Variants in RBPJ observed in about 807,000 individuals in gnomAD.
The protein encoded by RBPJ is recombination signal binding protein for immunoglobulin kappa J region.
RBPJ carries 9 observed loss-of-function variants against 67.8 expected under a neutral mutation model. The observed-to-expected ratio is 0.13, with a 90% CI of 0.08 to 0.23. The LOEUF is 0.23. Ranked by LOEUF, RBPJ falls within the 10% of genes least tolerant of loss-of-function variation. The probability of loss-of-function intolerance (pLI) is 1.00; values close to 1 mark genes in which losing one functional copy is unlikely to be tolerated. For synonymous variants in RBPJ, 198 were observed against 203.3 expected (o/e 0.97, Z 0.22); for missense variants, 305 against 595.6 (o/e 0.51, Z 5.08).
At chr4:26,220,011 G>A (rs1718850868) in intron 1 of RBPJ, among the ~76,000 whole-genome samples, 1 of 151,780 alleles carries the variant, frequency 6.6e-6, no homozygotes, top group Non-Finnish European at 1.5e-5. Flanking sequence ...TCTCTATCTG[G>A]TGACCTCGTG....
At chr4:26,381,561 A>G (rs1024006082) in intron 1 of RBPJ, among the ~76,000 whole-genome samples, 5 of 152,198 alleles carry the variant, frequency 3.3e-5, no homozygotes, top group African/African-American at 1.2e-4. Flanking sequence ...GTGAAATTAA[A>G]GTAAAATGAA....
intron 1 of RBPJ, among the ~76,000 whole-genome samples, chr4:26,223,875 T>A (rs1349259412): frequency 6.6e-6 from 1 of 152,228 alleles, no homozygotes; most frequent in Non-Finnish European, 1.5e-5. Context: ...CATAATAAGA[T>A]GATTGCCCAA....
chr4:26,403,983 C>G (rs1426243874), intron 2 of RBPJ, among the ~76,000 whole-genome samples: 1 of 152,198 alleles, frequency 6.6e-6, no homozygotes, highest in Non-Finnish European at 1.5e-5. Context: ...AACAGTTGAA[C>G]TAATTTACGC....
chr4:26,256,633 T>C (rs763892793), intron 1 of RBPJ, among the ~76,000 whole-genome samples: 17 of 152,154 alleles, frequency 1.1e-4, no homozygotes, highest in Non-Finnish European at 2.4e-4. Context: ...TGAAAAATGG[T>C]CTTAAGAAAT....
upstream of RBPJ, among the ~76,000 whole-genome samples, chr4:26,161,713 G>C (rs1223525688): frequency 6.6e-6 from 1 of 152,202 alleles, no homozygotes; most frequent in Non-Finnish European, 1.5e-5. Context: ...ACCAACAAAG[G>C]AGGAGGCCTG....
chr4:26,347,778 C>T (rs1026356641), intron 1 of RBPJ, among the ~76,000 whole-genome samples: 4 of 152,066 alleles, frequency 2.6e-5, no homozygotes, highest in African/African-American at 9.7e-5. Context: ...ATTGTTAACT[C>T]CTGTTGCTGC....
intron 1 of RBPJ, among the ~76,000 whole-genome samples, chr4:26,219,266 G>A (rs1718823223): frequency 6.6e-6 from 1 of 152,206 alleles, no homozygotes; most frequent in Admixed American, 6.5e-5. Context: ...ATTGGGGGTG[G>A]CAAGGTTACC....
At chr4:26,128,457 TATAG>T in the RBPJ span, among the ~76,000 whole-genome samples, 3 of 152,216 alleles carry the variant, frequency 2.0e-5, no homozygotes, top group African/African-American at 7.2e-5. Context: ...AATTAAATTA[TATAG>T]CCATCACAAA....
intron 8 of RBPJ, among the ~76,000 whole-genome samples, chr4:26,429,233 C>G (rs1223436846): frequency 6.6e-6 from 1 of 152,202 alleles, no homozygotes; most frequent in Non-Finnish European, 1.5e-5. Context: ...GGCTCAAAAT[C>G]TCATCAGATT....
At chr4:26,367,602 A>G (rs944593612) in intron 1 of RBPJ, among the ~76,000 whole-genome samples, 2 of 152,270 alleles carry the variant, frequency 1.3e-5, no homozygotes, top group Admixed American at 1.3e-4. Flanking sequence ...TAAATCCAAT[A>G]CATTACAAAT....
At chr4:26,343,229 C>T (rs1406054816) in intron 1 of RBPJ, 1 of 152,150 alleles carries the variant, frequency 6.6e-6, no homozygotes, top group Admixed American at 6.5e-5. Context: ...TTCTGGTAAT[C>T]TTTACTTCTT....
intron 1 of RBPJ, among the ~76,000 whole-genome samples, chr4:26,255,197 G>C (rs926707871): frequency 2.1e-5 from 3 of 144,298 alleles, no homozygotes; most frequent in Non-Finnish European, 4.5e-5. Flanking sequence ...GAGGTCAGGA[G>C]ATCGGGACCA....
Position 26,361,247 on chromosome 4 carries a change from C to G in RBPJ, c.21-25106C>G, listed in dbSNP as rs113710931. 1.2e-4 allele frequency among the ~76,000 whole-genome samples: 18 copies of G among 152,262 alleles called. 1 individual carries two copies. The highest frequency in any genetic ancestry group is 4.1e-4 in the African/African-American group (17 of 41,544). Reference sequence around the variant, plus strand: ...CTTCATTAGTTTCTTCCCACCTACTCTGGTAGAGTTCTTTCACTATATATA... The same window carrying G: ...CTTCATTAGTTTCTTCCCACCTACTGTGGTAGAGTTCTTTCACTATATATA... On this transcript the variant is annotated intron_variant, in intron 1 of 10. Transcript: ENST00000355476.
At chr4:26,346,843 T>A (rs979161616) in intron 1 of RBPJ, among the ~76,000 whole-genome samples, 2 of 151,764 alleles carry the variant, frequency 1.3e-5, no homozygotes, top group African/African-American at 4.8e-5. Flanking sequence ...AATACAAAAA[T>A]TAGCTGGGCA....
At chr4:26,152,494 G>C in the RBPJ span, among the ~76,000 whole-genome samples, 1 of 152,322 alleles carries the variant, frequency 6.6e-6, no homozygotes, top group East Asian at 1.9e-4. Flanking sequence ...ACATAGTAAA[G>C]CCAGGATAGT....
At chr4:26,177,501 C>T (rs575168110) in intron 1 of RBPJ, among the ~76,000 whole-genome samples, 28 of 152,042 alleles carry the variant, frequency 1.8e-4, no homozygotes, top group African/African-American at 6.0e-4. Context: ...CGCTTGAACC[C>T]GAGAGGTGGA....
At chr4:26,358,197 A>G (rs2109479406) in intron 1 of RBPJ, among the ~76,000 whole-genome samples, 1 of 152,264 alleles carries the variant, frequency 6.6e-6, no homozygotes, top group South Asian at 2.1e-4. Flanking sequence ...TGATTACAGA[A>G]GACCATACGT....
chr4:26,109,579 C>CTATATATATATATA, the RBPJ span, among the ~76,000 whole-genome samples: 1 of 29,386 alleles, frequency 3.4e-5, no homozygotes, highest in Non-Finnish European at 6.8e-5. Context: ...CTCTCTCTCT[C>CTATATATATATATA]TATATATATA....
At chr4:26,310,695 A>G (rs1401525326) in intron 1 of RBPJ, among the ~76,000 whole-genome samples, 2 of 135,410 alleles carry the variant, frequency 1.5e-5, no homozygotes, top group South Asian at 2.3e-4. Flanking sequence ...TGAGACAGAG[A>G]GTCTTGCTCT....
Sources: gnomAD v4.1 joint callset for allele counts (sites outside exome capture counted in the v4.1 genomes callset) on GRCh38, gnomAD v4.1.1 for gene constraint, MANE v1.5 for transcripts, NCBI Gene and HGNC (gene_info 2026-07-23, HGNC 2026-07-21) for gene names.